RNF157: variants seen among roughly 807,000 people sequenced by gnomAD.
The protein encoded by RNF157 is E3 ubiquitin ligase RNF157.
A neutral mutation model predicts 88.3 loss-of-function variants in RNF157; 55 were observed. The observed-to-expected ratio is 0.62, with a 90% CI of 0.50 to 0.78. The LOEUF is 0.78. Among genes scored for constraint, RNF157 ranks in the 30% least tolerant of loss-of-function variants. RNF157 has a pLI of 0.00. For missense variants in RNF157, 788 were observed against 860.8 expected (o/e 0.92, Z 1.06); for synonymous variants, 334 against 341.2 (o/e 0.98, Z 0.23).
intron 2 of RNF157, among the ~76,000 whole-genome samples, chr17:76,196,777 A>G (rs1171734428): frequency 6.6e-6 from 1 of 152,032 alleles, no homozygotes. Flanking sequence ...CTGATTCCCT[A>G]TCTCACTCCA....
chr17:76,181,297 T>C (rs968856765), intron 2 of RNF157, among the ~76,000 whole-genome samples: 2 of 152,168 alleles, frequency 1.3e-5, no homozygotes, highest in Non-Finnish European at 2.9e-5. Flanking sequence ...AAATCTCCAA[T>C]GGCGCCCTAT....
At chr17:76,223,013 T>C (rs930604358) in intron 1 of RNF157, among the ~76,000 whole-genome samples, 1 of 151,816 alleles carries the variant, frequency 6.6e-6, no homozygotes. Flanking sequence ...GCCTCAGCCT[T>C]CCGAGTAGCT....
chr17:76,226,956 T>A, intron 1 of RNF157: 1 of 631,422 alleles, frequency 1.6e-6, no homozygotes, highest in Non-Finnish European at 2.7e-6. Flanking sequence ...CTGCCGCCGC[T>A]GCAAAGGCCA....
intron 3 of RNF157, 62 bp from the exon 4 acceptor site, chr17:76,167,859 A>T: frequency 6.6e-7 from 1 of 1,506,282 alleles, no homozygotes; most frequent in East Asian, 2.3e-5. Context: ...ATTTACCTTT[A>T]AAAAAATTAG....
At chr17:76,173,280 C>T (rs1034414091) in intron 3 of RNF157, among the ~76,000 whole-genome samples, 18 of 149,374 alleles carry the variant, frequency 1.2e-4, no homozygotes, top group Non-Finnish European at 1.9e-4. Context: ...AGCGAGACTC[C>T]GTCTCAAAAA....
chr17:76,168,452 C>G (rs542532822), intron 3 of RNF157, among the ~76,000 whole-genome samples: 2 of 146,298 alleles, frequency 1.4e-5, no homozygotes, highest in Non-Finnish European at 3.0e-5. Flanking sequence ...CTTCCAGTTG[C>G]GTAGTTTCCT....
intron 13 of RNF157, among the ~76,000 whole-genome samples, chr17:76,156,916 T>C (rs1343577327): frequency 6.6e-6 from 1 of 150,702 alleles, no homozygotes; most frequent in Admixed American, 6.6e-5. Flanking sequence ...TTCCCTTCCC[T>C]CCAGGCGCTC....
At chr17:76,212,556 G>T (rs989221631) in intron 1 of RNF157, 74 bp from the exon 2 acceptor site, 4 of 985,830 alleles carry the variant, frequency 4.1e-6, no homozygotes, top group Non-Finnish European at 4.7e-6. Flanking sequence ...AAAAAAAGCT[G>T]ATTTTTAAAA....
chr17:76,178,062 T>C (rs561402287), intron 2 of RNF157, among the ~76,000 whole-genome samples: 14 of 152,242 alleles, frequency 9.2e-5, no homozygotes, highest in Non-Finnish European at 2.1e-4. Flanking sequence ...TATCTCATTC[T>C]TCCTTGTTGC....
intron 18 of RNF157, among the ~76,000 whole-genome samples, chr17:76,151,089 C>T (rs2068667528): frequency 6.6e-6 from 1 of 152,230 alleles, no homozygotes; most frequent in African/African-American, 2.4e-5. Context: ...CAGTCCAGGC[C>T]TAACTGGCAG....
chr17:76,156,341 A>C lies in RNF157; in HGVS notation c.1414-20T>G. On this transcript the variant is annotated intron_variant, in intron 13 of 18. Transcript: ENST00000269391. ...ACATTCCTGGGGGTTGTGGGGGGAC[A>C]CAACAGGACATGGAGCAAGCGCCAG... 1.2e-6 allele frequency: 2 copies of C among 1,613,890 alleles called. No homozygotes were observed. Among genetic ancestry groups the C allele is most frequent in the Middle Eastern group, 1.7e-4 (1 of 6,058 alleles).
At chr17:76,231,277 G>A (rs935670022) in intron 1 of RNF157, among the ~76,000 whole-genome samples, 33 of 152,300 alleles carry the variant, frequency 2.2e-4, no homozygotes, top group Admixed American at 1.5e-3. Flanking sequence ...GATTACAGGC[G>A]TGAGCCACCG....
intron 2 of RNF157, among the ~76,000 whole-genome samples, chr17:76,182,208 T>G (rs1050529498): frequency 8.6e-5 from 13 of 151,952 alleles, no homozygotes; most frequent in African/African-American, 3.1e-4. Flanking sequence ...GGAAGTAGAG[T>G]TGGGCTCAGC....
intron 6 of RNF157, among the ~76,000 whole-genome samples, chr17:76,165,770 C>T (rs144820493): frequency 0.011 from 1,633 of 152,090 alleles, 16 homozygotes; most frequent in Non-Finnish European, 0.018. Context: ...CTCCGCCTCC[C>T]GGTTCCAGCA....
rs1158906287 is a variant in RNF157, at chr17:76,152,693, G to A, written c.1811-228C>T. On this transcript the variant is annotated intron_variant, in intron 17 of 18. Coordinates refer to ENST00000269391, the MANE Select transcript of RNF157 (RefSeq NM_052916.3). ...TTCCCTAGAGCCCTTTCTGTCTGCTGCTCCCTAACAAGTCAGATCACTGAG... is the reference window on the plus strand; with the variant it reads ...TTCCCTAGAGCCCTTTCTGTCTGCTACTCCCTAACAAGTCAGATCACTGAG... 2.5e-5 allele frequency: 12 copies of A among 473,128 alleles called. No individual in the cohort carries two copies. In the East Asian group the frequency reaches 4.2e-4, roughly 16 times the overall value. The allele number at this position is 473,128 out of a possible 1,614,324, so 29.3% of individuals were successfully genotyped here.
At position 76,176,961 on chromosome 17, in the gene RNF157, G is replaced by C. The variant is rs944600215; in HGVS notation, c.208-3171C>G. Among the ~76,000 whole-genome samples the C allele has an allele frequency of 3.3e-5, 5 of 152,170 alleles. No individual in the cohort carries two copies. Among genetic ancestry groups the C allele is most frequent in the African/African-American group, 9.6e-5 (4 of 41,454 alleles). On this transcript the variant is annotated intron_variant, in intron 2 of 18. Transcript: ENST00000269391. This position sits in a 1 kb window ranked among gnomAD's most constrained non-coding sequence, Gnocchi z 4.2. ...GGAGGTTCTGCGCAGCCCGTCTGGG[G>C]CTGCGCCCCCAGGTCTGCCCCACAT...
intron 1 of RNF157, among the ~76,000 whole-genome samples, chr17:76,237,506 G>A (rs981853183): frequency 2.0e-5 from 3 of 152,198 alleles, no homozygotes; most frequent in African/African-American, 4.8e-5. Flanking sequence ...CCTCTATAGG[G>A]ACTTCAATTA....
At chr17:76,173,925 T>A in intron 2 of RNF157, 135 bp from the exon 3 acceptor site, 1 of 714,798 alleles carries the variant, frequency 1.4e-6, no homozygotes, top group Non-Finnish European at 2.4e-6. Flanking sequence ...GTGAGGAAAC[T>A]GAAACTCCGA....
intron 3 of RNF157, among the ~76,000 whole-genome samples, chr17:76,173,281 G>A (rs1162884472): frequency 1.6e-4 from 24 of 150,008 alleles, no homozygotes; most frequent in Non-Finnish European, 2.4e-4. Flanking sequence ...GCGAGACTCC[G>A]TCTCAAAAAA....
Sources: gnomAD v4.1 joint callset for allele counts (sites outside exome capture counted in the v4.1 genomes callset) on GRCh38, gnomAD v4.1.1 for gene constraint, Gnocchi (gnomAD v3.1) non-coding constraint, MANE v1.5 for transcripts, NCBI Gene and HGNC (gene_info 2026-07-23, HGNC 2026-07-21) for gene names.